ARHGAP15: variants seen among roughly 807,000 people sequenced by gnomAD.
The protein encoded by ARHGAP15 is rho GTPase-activating protein 15.
Under a neutral mutation model 63.7 loss-of-function variants are expected in ARHGAP15, and 51 were observed. The ratio of observed to expected loss-of-function variants is 0.80; its 90% confidence interval spans 0.64 to 1.01. The LOEUF is 1.01. Among genes scored for constraint, ARHGAP15 ranks in the 50% least tolerant of loss-of-function variants. ARHGAP15 has a pLI of 0.00. For synonymous variants in ARHGAP15, 191 were observed against 193.8 expected, an observed-to-expected ratio of 0.99 and a Z score of 0.12; for missense variants, 560 against 564.6, an observed-to-expected ratio of 0.99 and a Z score of 0.08.
intron 12 of ARHGAP15, among the ~76,000 whole-genome samples, chr2:143,667,806 G>A (rs1193164698): frequency 1.3e-5 from 2 of 151,694 alleles, no homozygotes; most frequent in South Asian, 2.1e-4. Context: ...CCTAGGCAAC[G>A]TGGTGAAACT....
chr2:143,610,719 GTATTTATTTATT>G (rs10568746), intron 11 of ARHGAP15, among the ~76,000 whole-genome samples: 3 of 150,646 alleles, frequency 2.0e-5, no homozygotes, highest in Non-Finnish European at 3.0e-5. Flanking sequence ...CTTGTTCAGT[GTATTTATTTATT>G]TATTTATTTA....
At chr2:143,413,290 C>A (rs922456604) in intron 6 of ARHGAP15, among the ~76,000 whole-genome samples, 1 of 152,142 alleles carries the variant, frequency 6.6e-6, no homozygotes, top group African/African-American at 2.4e-5. Flanking sequence ...TTATTCAATA[C>A]CGGGTTTCTG....
At chr2:143,252,392 A>G (rs1175367409) in intron 6 of ARHGAP15, among the ~76,000 whole-genome samples, 1 of 151,972 alleles carries the variant, frequency 6.6e-6, no homozygotes, top group Non-Finnish European at 1.5e-5. Context: ...TGATTTTTAT[A>G]TTTTTGAATG....
intron 6 of ARHGAP15, among the ~76,000 whole-genome samples, chr2:143,329,504 A>C (rs1293048074): frequency 2.0e-5 from 3 of 151,458 alleles, no homozygotes; most frequent in Non-Finnish European, 4.4e-5. Context: ...AGAGGACCCC[A>C]AAGCCTCAGA....
At chr2:143,207,715 C>G (rs1558814170) in intron 3 of ARHGAP15, among the ~76,000 whole-genome samples, 1 of 152,070 alleles carries the variant, frequency 6.6e-6, no homozygotes, top group African/African-American at 2.4e-5. Flanking sequence ...AAGGCAGAAA[C>G]ATTATCTTCA....
chr2:143,152,886 G>A (rs1261997028), intron 1 of ARHGAP15, among the ~76,000 whole-genome samples: 1 of 151,862 alleles, frequency 6.6e-6, no homozygotes, highest in Non-Finnish European at 1.5e-5. Context: ...AGCAAATTGA[G>A]AGAAATAACA....
intron 6 of ARHGAP15, among the ~76,000 whole-genome samples, chr2:143,263,997 T>A (rs73962386): frequency 0.047 from 6,995 of 147,910 alleles, 552 homozygotes; most frequent in African/African-American, 0.17. Flanking sequence ...TGAGGTTTTT[T>A]TTCATCATTC....
chr2:143,550,251 T>C (rs1049840034), intron 10 of ARHGAP15, among the ~76,000 whole-genome samples: 1 of 152,110 alleles, frequency 6.6e-6, no homozygotes, highest in African/African-American at 2.4e-5. Context: ...GAACATATAT[T>C]TTTCAAAGTT....
chr2:143,141,441 A>G (rs1321411367), intron 1 of ARHGAP15, among the ~76,000 whole-genome samples: 3 of 152,266 alleles, frequency 2.0e-5, no homozygotes, highest in African/African-American at 7.2e-5. Flanking sequence ...TAAGGAGCCC[A>G]CAGTCAATTT....
intron 6 of ARHGAP15, among the ~76,000 whole-genome samples, chr2:143,423,376 G>A (rs1283286053): frequency 1.3e-5 from 2 of 151,992 alleles, no homozygotes. Flanking sequence ...TCATTATGTG[G>A]ATACCAAAAC....
chr2:143,147,174 A>C (rs1376953071), intron 1 of ARHGAP15, among the ~76,000 whole-genome samples: 1 of 152,038 alleles, frequency 6.6e-6, no homozygotes, highest in Non-Finnish European at 1.5e-5. Flanking sequence ...ATACTCTCCC[A>C]ACAAAGATTA....
intron 12 of ARHGAP15, among the ~76,000 whole-genome samples, chr2:143,644,014 C>T (rs1345290272): frequency 6.6e-6 from 1 of 151,966 alleles, no homozygotes; most frequent in East Asian, 1.9e-4. Flanking sequence ...ATACATTTTC[C>T]TTACCCATTT....
intron 11 of ARHGAP15, among the ~76,000 whole-genome samples, chr2:143,621,703 G>A (rs1180480903): frequency 6.6e-6 from 1 of 152,080 alleles, no homozygotes; most frequent in African/African-American, 2.4e-5. Flanking sequence ...ATATTATATG[G>A]TATTTTAAGT....
At chr2:143,180,874 C>T (rs181486916) in intron 2 of ARHGAP15, among the ~76,000 whole-genome samples, 81 of 152,198 alleles carry the variant, frequency 5.3e-4, no homozygotes, top group African/African-American at 1.8e-3. Flanking sequence ...GGGGTTTCAC[C>T]GTGTTAGCCA....
At chr2:143,429,607 A>G (rs777552002) in intron 6 of ARHGAP15, among the ~76,000 whole-genome samples, 1 of 152,146 alleles carries the variant, frequency 6.6e-6, no homozygotes, top group Non-Finnish European at 1.5e-5. Context: ...ATCAACCCCA[A>G]ACACATTGAA....
chr2:143,759,047 A>AT (rs1686674168), intron 13 of ARHGAP15, among the ~76,000 whole-genome samples: 2 of 152,208 alleles, frequency 1.3e-5, no homozygotes, highest in Non-Finnish European at 2.9e-5. Context: ...ATTCTTTGTC[A>AT]TCAGAGCTGC....
intron 6 of ARHGAP15, among the ~76,000 whole-genome samples, chr2:143,382,119 CTCCCTCCT>C (rs1687084932): frequency 9.2e-6 from 1 of 108,124 alleles, no homozygotes; most frequent in African/African-American, 4.5e-5. Context: ...TCCTTCCTCC[CTCCCTCCT>C]CCCTTCCTTT....
At chr2:143,527,209 C>T (rs1296914423) in intron 10 of ARHGAP15, among the ~76,000 whole-genome samples, 1 of 151,940 alleles carries the variant, frequency 6.6e-6, no homozygotes. Flanking sequence ...GTAAAAGAGA[C>T]ATACAGATTC....
intron 8 of ARHGAP15, among the ~76,000 whole-genome samples, chr2:143,479,166 G>A (rs1574505437): frequency 6.6e-6 from 1 of 152,146 alleles, no homozygotes; most frequent in African/African-American, 2.4e-5. Flanking sequence ...GCTAATGATG[G>A]TTCAGAATCT....
Sources: allele counts gnomAD v4.1 joint callset (sites outside exome capture counted in the v4.1 genomes callset), GRCh38; gene constraint gnomAD v4.1.1; transcripts MANE v1.5; gene names NCBI Gene and HGNC (gene_info 2026-07-23, HGNC 2026-07-21).